Variants in FRS2 observed in about 807,000 individuals in gnomAD.
FRS2 encodes FGFR signalling adaptor.
A neutral mutation model predicts 43.9 loss-of-function variants in FRS2; 8 were observed. The observed-to-expected ratio is 0.18, with a 90% confidence interval of 0.11 to 0.33. The LOEUF is 0.33. Among genes scored for constraint, FRS2 ranks in the 10% least tolerant of loss-of-function variants. The pLI, the probability that FRS2 is intolerant of heterozygous loss-of-function variation, is 1.00. For missense variants in FRS2, 534 were observed against 627.6 expected (o/e 0.85, Z 1.59); for synonymous variants, 219 against 220.3 (o/e 0.99, Z 0.05).
intron 3 of FRS2, among the ~76,000 whole-genome samples, chr12:69,545,765 A>C (rs960064973): frequency 2.4e-3 from 360 of 150,888 alleles, no homozygotes; most frequent in African/African-American, 7.5e-3. Flanking sequence ...CAAAAAAAAA[A>C]AAAAAAAAAA....
intron 1 of FRS2, chr12:69,480,196 A>G (rs910692211): frequency 6.6e-6 from 1 of 152,170 alleles, no homozygotes; most frequent in Non-Finnish European, 1.5e-5. Flanking sequence ...CATTCACATC[A>G]TTGTGCATCT....
intron 1 of FRS2, among the ~76,000 whole-genome samples, chr12:69,503,963 G>C (rs1371569598): frequency 6.6e-6 from 1 of 152,056 alleles, no homozygotes; most frequent in Non-Finnish European, 1.5e-5. Context: ...CAGCACTTTG[G>C]GAAGCCGAGG....
intron 3 of FRS2, among the ~76,000 whole-genome samples, chr12:69,560,283 T>C (rs1008314901): frequency 1.3e-5 from 2 of 152,172 alleles, no homozygotes; most frequent in African/African-American, 4.8e-5. Flanking sequence ...GAAATATCTT[T>C]ATATCCAGAG....
intron 1 of FRS2, among the ~76,000 whole-genome samples, chr12:69,520,043 C>T (rs1419269929): frequency 1.3e-5 from 2 of 152,250 alleles, no homozygotes; most frequent in South Asian, 2.1e-4. Context: ...ATAAGCATTC[C>T]CTTTTCTCTG....
intron 1 of FRS2, among the ~76,000 whole-genome samples, chr12:69,472,696 T>A (rs1870422031): frequency 6.6e-6 from 1 of 152,246 alleles, no homozygotes; most frequent in African/African-American, 2.4e-5. Context: ...ATGCATAGCA[T>A]GCTATTTGCT....
chr12:69,489,989 TA>T (rs901409741), intron 1 of FRS2, among the ~76,000 whole-genome samples: 23 of 148,692 alleles, frequency 1.5e-4, no homozygotes, highest in Admixed American at 2.0e-4. Context: ...ATAGTTTGAT[TA>T]AAAAAAAAAT....
At chr12:69,510,077 C>G (rs1334625967) in intron 1 of FRS2, among the ~76,000 whole-genome samples, 1 of 152,188 alleles carries the variant, frequency 6.6e-6, no homozygotes, top group Non-Finnish European at 1.5e-5. Context: ...GTGGCAATCT[C>G]TAGCCCCCTC....
intron 1 of FRS2, among the ~76,000 whole-genome samples, chr12:69,488,261 G>A (rs528709421): frequency 6.6e-6 from 1 of 152,162 alleles, no homozygotes; most frequent in Non-Finnish European, 1.5e-5. Flanking sequence ...CATTTGATGC[G>A]GCAAGTGATT....
intron 3 of FRS2, among the ~76,000 whole-genome samples, chr12:69,560,091 T>C (rs1209934381): frequency 6.6e-6 from 1 of 152,174 alleles, no homozygotes; most frequent in Non-Finnish European, 1.5e-5. Flanking sequence ...AAGAATCATA[T>C]TTGGAATAAT....
chr12:69,532,144 TTA>T (rs1876861541), intron 3 of FRS2, 88 bp downstream of exon 3: 1 of 152,350 alleles, frequency 6.6e-6, no homozygotes, highest in Admixed American at 6.5e-5. Context: ...TTCCATGTAT[TTA>T]TTTAATATCT....
intron 3 of FRS2, among the ~76,000 whole-genome samples, chr12:69,548,949 G>T (rs937128525): frequency 1.4e-4 from 21 of 152,208 alleles, no homozygotes; most frequent in African/African-American, 4.6e-4. Context: ...AGGGTGCAGA[G>T]TAGAGTAGAG....
intron 3 of FRS2, among the ~76,000 whole-genome samples, chr12:69,548,548 T>TTTCTCATAAGGTATC (rs1325393571): frequency 2.0e-5 from 3 of 152,218 alleles, no homozygotes; most frequent in African/African-American, 4.8e-5. Context: ...TCGTGGTTCT[T>TTTCTCATAAGGTATC]TTCTCATAAG....
chr12:69,504,309 G>C (rs930275609), intron 1 of FRS2, among the ~76,000 whole-genome samples: 4 of 152,146 alleles, frequency 2.6e-5, no homozygotes, highest in Non-Finnish European at 5.9e-5. Flanking sequence ...AGGTTGCAGT[G>C]AGCCAAGATC....
chr12:69,502,485 C>T (rs1253991353), intron 1 of FRS2, among the ~76,000 whole-genome samples: 1 of 151,934 alleles, frequency 6.6e-6, no homozygotes, highest in Non-Finnish European at 1.5e-5. Context: ...CTTCCCACCT[C>T]AGCCTCCCAA....
intron 1 of FRS2, among the ~76,000 whole-genome samples, chr12:69,509,022 A>T (rs991412014): frequency 6.6e-6 from 1 of 152,072 alleles, no homozygotes; most frequent in Non-Finnish European, 1.5e-5. Context: ...CCAGTTTAAA[A>T]TTTTTTTCTT....
Position 69,536,917 on chromosome 12 carries a change from A to G in FRS2, c.-122+4861A>G, listed in dbSNP as rs182975479. On this transcript the variant is annotated intron_variant, in intron 3 of 8. Transcript: ENST00000549921. The stretch of plus-strand genomic sequence containing the variant: ...CCTTCTGTGGTTTTTCTATTTATCC[A>G]ATTCTTCCTCTCATTCTTGCCAGTC... Among the ~76,000 whole-genome samples the G allele has an allele frequency of 1.2e-4, 19 of 152,116 alleles. No homozygotes were observed. In the East Asian group the frequency reaches 3.5e-3, roughly 28 times the overall value.
chr12:69,486,848 C>T (rs1584726), intron 1 of FRS2, among the ~76,000 whole-genome samples: 78,193 of 152,010 alleles, frequency 0.51, 23,258 homozygotes, highest in African/African-American at 0.82. Context: ...GACCCTAATT[C>T]TGTTCAATTA....
At chr12:69,561,423 G>A (rs979394447) in intron 3 of FRS2, among the ~76,000 whole-genome samples, 1 of 152,198 alleles carries the variant, frequency 6.6e-6, no homozygotes, top group Non-Finnish European at 1.5e-5. Context: ...AGATTAAAAT[G>A]AGACTATTCC....
rs552190797 is a variant in FRS2, at chr12:69,554,312, A to G, written c.-121-7868A>G. Among the ~76,000 whole-genome samples, 316 of 152,328 alleles carry G rather than the reference A, an allele frequency of 2.1e-3. 1 individual carries two copies. The highest frequency in any genetic ancestry group is 6.6e-3 in the South Asian group (32 of 4,824). Reference sequence around the variant, plus strand: ...TCTACCACCAAATTAATCAGTGTTAACATTTTAGGGTGTGTTCATCTAGTC... The same window carrying G: ...TCTACCACCAAATTAATCAGTGTTAGCATTTTAGGGTGTGTTCATCTAGTC... On this transcript the variant is annotated intron_variant, in intron 3 of 8. Coordinates refer to ENST00000549921, the MANE Select transcript of FRS2 (RefSeq NM_001278356.2).
Sources: gnomAD v4.1 joint callset for allele counts (sites outside exome capture counted in the v4.1 genomes callset) on GRCh38, gnomAD v4.1.1 for gene constraint, MANE v1.5 for transcripts, NCBI Gene and HGNC (gene_info 2026-07-23, HGNC 2026-07-21) for gene names.